Variants in MYOM1 observed in about 807,000 individuals in gnomAD.
MYOM1 encodes the protein myomesin 1.
A neutral mutation model predicts 205.3 loss-of-function variants in MYOM1; 164 were observed. The ratio of observed to expected loss-of-function variants is 0.80; its 90% CI spans 0.70 to 0.91. MYOM1 has a LOEUF of 0.91. Among genes scored for constraint, MYOM1 ranks in the 40% least tolerant of loss-of-function variants. The probability of loss-of-function intolerance (pLI) is 0.00; values close to 1 mark genes in which losing one functional copy is unlikely to be tolerated. For missense variants in MYOM1, 2,011 were observed against 2,127.3 expected, an observed-to-expected ratio of 0.95 and a Z score of 1.08; for synonymous variants, 772 against 789.4, an observed-to-expected ratio of 0.98 and a Z score of 0.37.
chr18:3,192,856 T>C (rs2080930206), intron 3 of MYOM1, among the ~76,000 whole-genome samples: 1 of 151,894 alleles, frequency 6.6e-6, no homozygotes, highest in Non-Finnish European at 1.5e-5. Flanking sequence ...CTATTTCCCA[T>C]TGAACAAGGC....
At chr18:3,186,622 C>T (rs2080813727) in intron 5 of MYOM1, among the ~76,000 whole-genome samples, 1 of 151,994 alleles carries the variant, frequency 6.6e-6, no homozygotes, top group Non-Finnish European at 1.5e-5. Flanking sequence ...ATATCTCATG[C>T]CCCATATTGG....
chr18:3,245,597 C>G, the MYOM1 span, among the ~76,000 whole-genome samples: 1 of 152,232 alleles, frequency 6.6e-6, no homozygotes, highest in African/African-American at 2.4e-5. Flanking sequence ...GGTTGACTAA[C>G]CGTTTTTAAA....
intron 9 of MYOM1, among the ~76,000 whole-genome samples, chr18:3,168,582 C>T (rs1334532890): frequency 6.6e-6 from 1 of 152,200 alleles, no homozygotes. Flanking sequence ...AGCCACCACG[C>T]CCAGCAGAAT....
intron 16 of MYOM1, among the ~76,000 whole-genome samples, chr18:3,132,651 A>G (rs893289082): frequency 6.6e-5 from 10 of 152,128 alleles, no homozygotes; most frequent in Admixed American, 4.6e-4. Context: ...GCTCCTTGTC[A>G]TAGAGGCCTA....
the MYOM1 span, among the ~76,000 whole-genome samples, chr18:3,226,271 C>T: frequency 5.3e-5 from 8 of 152,182 alleles, no homozygotes; most frequent in Admixed American, 4.6e-4. The surrounding 1 kb of genome is among the most constrained non-coding windows in gnomAD (Gnocchi z 4.6). Flanking sequence ...TGTGAGCTGA[C>T]GCTATGACAA....
At chr18:3,106,573 C>T (rs1162723100) in intron 22 of MYOM1, among the ~76,000 whole-genome samples, 1 of 152,024 alleles carries the variant, frequency 6.6e-6, no homozygotes, top group Non-Finnish European at 1.5e-5. Context: ...ACCTGTAATC[C>T]CAGCACTTTG....
chr18:3,155,076 T>G lies in MYOM1; in HGVS notation c.1514A>C (p.Glu505Ala), dbSNP rs777964604. The G allele has an allele frequency of 4.2e-5, 68 of 1,611,970 alleles. No individual in the cohort carries two copies. The highest frequency in any genetic ancestry group is 5.6e-5 in the Non-Finnish European group (66 of 1,179,028). The change falls in exon 11 of 38, where the codon GAG becomes GCG. Residue 505 changes from glutamate to alanine, a missense_variant. By Grantham distance (107) the Glu-to-Ala change is moderately radical. Transcript: ENST00000356443. The part of the protein sequence containing the change: ...AYVFVRDADA[E>A]IEGAPAAPLD... ...GGGAGCAGCTGGGGCTCCTTCAATC[T>G]CTGCATCAGCATCTGTGGAGACAGA... is the stretch of plus-strand genomic sequence containing the variant.
At chr18:3,109,642 T>C (rs1745122799) in intron 22 of MYOM1, among the ~76,000 whole-genome samples, 2 of 152,202 alleles carry the variant, frequency 1.3e-5, no homozygotes, top group Admixed American at 1.3e-4. Flanking sequence ...GTATAGAACA[T>C]GAGAGAGTTG....
At chr18:3,086,796 C>T (rs562337584) in intron 29 of MYOM1, among the ~76,000 whole-genome samples, 1 of 152,098 alleles carries the variant, frequency 6.6e-6, no homozygotes, top group African/African-American at 2.4e-5. Context: ...AGAATATACT[C>T]ATGTATTTCT....
chr18:3,176,104 A>C lies in MYOM1; in HGVS notation c.960T>G (p.His320Gln). ...WYKNQVPINV[H>Q]ANPGKYIIES... ...CAATAATATACTTTCCAGGGTTTGC[A>C]TGGACATTTATTGGCACCTGGTTTT... Residue 320 changes from histidine (H) to glutamine (Q), a missense_variant, in exon 6 of 38, where the codon CAT becomes CAG. His to Gln is a conservative substitution (Grantham distance 24). Transcript: ENST00000356443. 6.2e-7 allele frequency: 1 copy of C among 1,609,204 alleles called. No homozygotes were observed.
At chr18:3,139,254 C>T (rs762059479) in intron 14 of MYOM1, among the ~76,000 whole-genome samples, 4 of 152,196 alleles carry the variant, frequency 2.6e-5, no homozygotes, top group Non-Finnish European at 5.9e-5. Context: ...CTGCTGTTAA[C>T]GAGTGATACA....
At chr18:3,216,455 T>C (rs1169753009) in intron 1 of MYOM1, among the ~76,000 whole-genome samples, 1 of 152,160 alleles carries the variant, frequency 6.6e-6, no homozygotes, top group Non-Finnish European at 1.5e-5. Flanking sequence ...GAGGGATGGA[T>C]GCAATTTTCA....
intron 1 of MYOM1, among the ~76,000 whole-genome samples, chr18:3,218,867 C>T: frequency 6.6e-6 from 1 of 152,026 alleles, no homozygotes; most frequent in East Asian, 1.9e-4. Context: ...ATTTCTATTT[C>T]TCCCAAATAC....
intron 36 of MYOM1, 71 bp downstream of exon 36, chr18:3,075,383 T>C (rs2079009472): frequency 1.4e-6 from 2 of 1,448,248 alleles, no homozygotes; most frequent in South Asian, 2.4e-5. Context: ...GTAGTTATAA[T>C]AGCAAAATAA....
intron 1 of MYOM1, among the ~76,000 whole-genome samples, chr18:3,216,675 GC>G (rs965301542): frequency 3.3e-5 from 5 of 152,180 alleles, no homozygotes; most frequent in African/African-American, 9.7e-5. Flanking sequence ...TGGTGGAAGG[GC>G]CAGTAGTGTA....
At chr18:3,094,380 A>T in intron 25 of MYOM1, 74 bp from the exon 26 acceptor site, 234 of 59,744 alleles carry the variant, frequency 3.9e-3, no homozygotes, top group Middle Eastern at 7.5e-3. Context: ...CCATCAAGTG[A>T]AAAAAAAAAA....
intron 4 of MYOM1, 37 bp downstream of exon 4, chr18:3,188,711 C>T (rs538695446): frequency 1.3e-6 from 2 of 1,488,120 alleles, no homozygotes; most frequent in African/African-American, 1.4e-5. Context: ...ACATGCATTT[C>T]CACCTTTGTA....
intron 37 of MYOM1, among the ~76,000 whole-genome samples, chr18:3,068,461 T>C (rs1036185139): frequency 6.6e-6 from 1 of 152,118 alleles, no homozygotes; most frequent in African/African-American, 2.4e-5. Flanking sequence ...TTTCATTCTA[T>C]TCAATTTACA....
intron 5 of MYOM1, among the ~76,000 whole-genome samples, chr18:3,184,614 G>C (rs1237979335): frequency 6.6e-6 from 1 of 152,118 alleles, no homozygotes; most frequent in Non-Finnish European, 1.5e-5. Context: ...ACCCAGGCTG[G>C]GATGCAGTGG....
Sources: gnomAD v4.1 joint callset for allele counts (sites outside exome capture counted in the v4.1 genomes callset) on GRCh38, gnomAD v4.1.1 for gene constraint, Gnocchi (gnomAD v3.1) non-coding constraint, MANE v1.5 for transcripts, NCBI Gene and HGNC (gene_info 2026-07-23, HGNC 2026-07-21) for gene names.